Variants in LRRC8D observed in about 807,000 individuals in gnomAD.
LRRC8D encodes the protein volume-regulated anion channel subunit LRRC8D.
In LRRC8D, 20 loss-of-function variants were observed where a neutral mutation model predicts 55.8. That is an observed-to-expected ratio of 0.36 (90% CI 0.25 to 0.52). The LOEUF (loss-of-function observed/expected upper bound fraction) is 0.52, where lower values mean the gene tolerates loss of function less well. Ranked by LOEUF, LRRC8D falls within the 20% of genes least tolerant of loss-of-function variation. The probability of loss-of-function intolerance (pLI) is 0.93; values close to 1 mark genes in which losing one functional copy is unlikely to be tolerated. For missense variants in LRRC8D, 651 were observed against 1,030.8 expected (o/e 0.63, Z 5.05); for synonymous variants, 352 against 377.0 (o/e 0.93, Z 0.77).
At chr1:89,898,237 CT>C (rs1662764564) in intron 2 of LRRC8D, among the ~76,000 whole-genome samples, 1 of 152,162 alleles carries the variant, frequency 6.6e-6, no homozygotes. Flanking sequence ...TTTATCAAAT[CT>C]AAAAGCAATT....
chr1:89,871,410 A>G (rs559275520), intron 2 of LRRC8D, among the ~76,000 whole-genome samples: 500 of 152,360 alleles, frequency 3.3e-3, no homozygotes, highest in Non-Finnish European at 6.1e-3. Context: ...CCGCCTGCGC[A>G]TAGCGTTCTT....
chr1:89,898,295 C>T (rs988478963), intron 2 of LRRC8D, among the ~76,000 whole-genome samples: 2 of 152,132 alleles, frequency 1.3e-5, no homozygotes, highest in African/African-American at 2.4e-5. Context: ...GATGAGGAAT[C>T]GTGAAATATC....
At chr1:89,851,859 G>T (rs1466785294) in intron 2 of LRRC8D, among the ~76,000 whole-genome samples, 1 of 152,098 alleles carries the variant, frequency 6.6e-6, no homozygotes, top group Admixed American at 6.6e-5. Flanking sequence ...ACATAGCATG[G>T]CTTATTATTA....
At chr1:89,892,668 G>A (rs1468419097) in intron 2 of LRRC8D, among the ~76,000 whole-genome samples, 3 of 152,100 alleles carry the variant, frequency 2.0e-5, no homozygotes, top group African/African-American at 7.2e-5. Context: ...ATAGGCGCCC[G>A]CCAACACGCC....
At position 89,828,288 on chromosome 1, in the gene LRRC8D, G is replaced by C. The variant is rs1660809411; in HGVS notation, c.-148+6997G>C. On this transcript the variant is annotated intron_variant, in intron 1 of 2. Coordinates refer to ENST00000337338, the MANE Select transcript of LRRC8D (RefSeq NM_001134479.2). ...CCATGAGATAGTGCATCCTGGGCTG[G>C]ATGGATGATGGGACCAACTCCCAGT... Among the ~76,000 whole-genome samples the C allele has an allele frequency of 2.0e-5, 3 of 152,344 alleles. No homozygotes were observed. In the South Asian group the frequency reaches 6.2e-4, roughly 32 times the overall value.
chr1:89,887,553 A>G (rs542211122), intron 2 of LRRC8D, among the ~76,000 whole-genome samples: 2 of 152,318 alleles, frequency 1.3e-5, no homozygotes, highest in East Asian at 3.9e-4. Flanking sequence ...ACCTATGAAA[A>G]CACTGAAGTA....
intron 2 of LRRC8D, among the ~76,000 whole-genome samples, chr1:89,857,222 A>G (rs1661580880): frequency 6.6e-6 from 1 of 151,944 alleles, no homozygotes; most frequent in African/African-American, 2.4e-5. Flanking sequence ...GTCTCTACTA[A>G]AAAATAGAAA....
In LRRC8D at chr1:89,843,772, G is replaced by A. The variant is rs968218432; in HGVS notation, c.-13G>A. 4.4e-6 allele frequency: 3 copies of A among 688,460 alleles called. No individual in the cohort carries two copies. Among genetic ancestry groups the A allele is most frequent in the East Asian group, 5.5e-5 (2 of 36,482 alleles). 42.6% of individuals were successfully genotyped at this position (688,460 alleles called of 1,614,324 possible). A position where few individuals can be genotyped will look rare whatever the true frequency, so the allele number is the denominator to read the frequency against. On this transcript the variant is annotated 5_prime_UTR_variant, in exon 2 of 3. Transcript: ENST00000337338. ...AGCGCCCTGAGAGAACAGGGTGGCC[G>A]CTTGGTCCAGGTGCGCGGGGTCGGG...
chr1:89,821,120 C>A lies in LRRC8D; in HGVS notation c.-319C>A. 2 of 153,120 alleles carry A rather than the reference C, an allele frequency of 1.3e-5. No individual in the cohort carries two copies. Among genetic ancestry groups the A allele is most frequent in the South Asian group, 3.6e-4 (2 of 5,546 alleles). The allele number at this position is 153,120 out of a possible 1,614,324, so 9.5% of individuals were successfully genotyped here. On this transcript the variant is annotated 5_prime_UTR_variant, in exon 1 of 3. Transcript: ENST00000337338. Reference sequence around the variant, plus strand: ...CGCCGCCCGTGGTGCCCCGGCTCCTCCGCCGCGCTTCGAGGTGGCAGCCGC... The same window carrying A: ...CGCCGCCCGTGGTGCCCCGGCTCCTACGCCGCGCTTCGAGGTGGCAGCCGC...
chr1:89,828,705 G>A (rs2100701055), intron 1 of LRRC8D, among the ~76,000 whole-genome samples: 1 of 152,104 alleles, frequency 6.6e-6, no homozygotes, highest in South Asian at 2.1e-4. Context: ...CTCCTTTTGG[G>A]GAACGCTCAT....
At position 89,909,404 on chromosome 1, in the gene LRRC8D, A is replaced by T. The variant is rs143326155; in HGVS notation, c.-2-23663A>T. Among the ~76,000 whole-genome samples, 106 of 152,040 alleles carry T rather than the reference A, an allele frequency of 7.0e-4. 1 individual carries two copies. The East Asian group carries it at 0.02, about 29-fold the overall frequency. On this transcript the variant is annotated intron_variant, in intron 2 of 2. Transcript: ENST00000337338. The stretch of plus-strand genomic sequence containing the variant: ...ATTAGGATGCCATTTTTGGAGTTTG[A>T]TTATGTAGCCCCTGACTCCATAACT...
chr1:89,907,376 A>C (rs745707953), intron 2 of LRRC8D, among the ~76,000 whole-genome samples: 1 of 151,884 alleles, frequency 6.6e-6, no homozygotes, highest in African/African-American at 2.4e-5. Flanking sequence ...TATTTAGTAG[A>C]GACGGGGTTT....
intron 2 of LRRC8D, among the ~76,000 whole-genome samples, chr1:89,907,737 A>G (rs576196682): frequency 1.6e-4 from 24 of 152,090 alleles, no homozygotes; most frequent in South Asian, 1.2e-3. Context: ...TTTTGTTCAT[A>G]CTCCATATTT....
intron 2 of LRRC8D, among the ~76,000 whole-genome samples, chr1:89,850,427 T>C (rs1435944071): frequency 6.6e-6 from 1 of 152,204 alleles, no homozygotes; most frequent in African/African-American, 2.4e-5. Context: ...CTCTTCCTTC[T>C]CCACTTTTCA....
chr1:89,891,601 T>C (rs1016713196), intron 2 of LRRC8D, among the ~76,000 whole-genome samples: 4 of 152,212 alleles, frequency 2.6e-5, no homozygotes, highest in Admixed American at 6.5e-5. Flanking sequence ...TTTTTGTCTT[T>C]CCATCATTTC....
chr1:89,893,917 C>T (rs1337347057), intron 2 of LRRC8D, among the ~76,000 whole-genome samples: 2 of 152,186 alleles, frequency 1.3e-5, no homozygotes, highest in Admixed American at 1.3e-4. Flanking sequence ...ATGTGCTAAA[C>T]CCTTACCTGA....
At chr1:89,842,544 A>G (rs1246847112) in intron 1 of LRRC8D, among the ~76,000 whole-genome samples, 2 of 152,208 alleles carry the variant, frequency 1.3e-5, no homozygotes, top group Non-Finnish European at 2.9e-5. Context: ...TTTGTATTAC[A>G]TTCTCCATTT....
intron 2 of LRRC8D, among the ~76,000 whole-genome samples, chr1:89,915,225 T>C (rs1183075155): frequency 6.6e-6 from 1 of 152,122 alleles, no homozygotes; most frequent in Non-Finnish European, 1.5e-5. Flanking sequence ...GAGTGTAGCG[T>C]TTAGGAATGA....
chr1:89,887,747 G>A (rs1263514417), intron 2 of LRRC8D, among the ~76,000 whole-genome samples: 3 of 152,054 alleles, frequency 2.0e-5, no homozygotes, highest in African/African-American at 4.8e-5. Flanking sequence ...TAAGCCTTAT[G>A]CAATCAAAAT....
Sources: gnomAD v4.1 joint callset for allele counts (sites outside exome capture counted in the v4.1 genomes callset) on GRCh38, gnomAD v4.1.1 for gene constraint, MANE v1.5 for transcripts, NCBI Gene and HGNC (gene_info 2026-07-23, HGNC 2026-07-21) for gene names.